The following HSD17B14 variants were observed in gnomAD, a reference collection of about 807,000 sequenced individuals.
HSD17B14 encodes the protein L-fucose dehydrogenase.
HSD17B14 carries 32 observed loss-of-function variants against 32.2 expected under a neutral mutation model. That is an observed-to-expected ratio of 0.99 (90% CI 0.75 to 1.33). The LOEUF (loss-of-function observed/expected upper bound fraction) is 1.33, where lower values mean the gene tolerates loss of function less well. Among genes scored for constraint, HSD17B14 ranks in the 40% most tolerant of loss-of-function variants. The pLI, the probability that HSD17B14 is intolerant of heterozygous loss-of-function variation, is 0.00. For missense variants in HSD17B14, 370 were observed against 366.5 expected (o/e 1.01, Z -0.08); for synonymous variants, 140 against 155.4 (o/e 0.90, Z 0.74).
At chr19:48,830,818 T>C (rs946644272) in intron 5 of HSD17B14, among the ~76,000 whole-genome samples, 10 of 138,488 alleles carry the variant, frequency 7.2e-5, no homozygotes, top group Non-Finnish European at 6.1e-5. Flanking sequence ...CTACTGGACC[T>C]GGCCTATTTA....
At chr19:48,829,308 C>G (rs1027277299) in intron 5 of HSD17B14, among the ~76,000 whole-genome samples, 1 of 151,726 alleles carries the variant, frequency 6.6e-6, no homozygotes, top group African/African-American at 2.4e-5. Flanking sequence ...CTCACCTCAG[C>G]CTCCCGTGTA....
intron 2 of HSD17B14, 63 bp from the exon 3 acceptor site, chr19:48,834,421 T>C (rs547495933): frequency 0.037 from 35,646 of 966,446 alleles, 1,343 homozygotes; most frequent in South Asian, 0.048. Context: ...GGTTGGGGAC[T>C]TGGACTCCTG....
At chr19:48,832,146 G>A (rs1034070513) in intron 4 of HSD17B14, among the ~76,000 whole-genome samples, 7 of 149,028 alleles carry the variant, frequency 4.7e-5, no homozygotes, top group Admixed American at 1.4e-4. Flanking sequence ...TGGGGAGGCC[G>A]AGGTGGGCAG....
At chr19:48,833,119 G>T (rs1427300816) in intron 3 of HSD17B14, among the ~76,000 whole-genome samples, 1 of 151,658 alleles carries the variant, frequency 6.6e-6, no homozygotes, top group African/African-American at 2.4e-5. Flanking sequence ...CCAAATGCAA[G>T]GCAGGAGGGG....
At chr19:48,831,525 C>G (rs2035334921) in intron 5 of HSD17B14, 143 bp downstream of exon 5, 1 of 686,892 alleles carries the variant, frequency 1.5e-6, no homozygotes, top group South Asian at 1.5e-5. Flanking sequence ...TGTCCTCCAG[C>G]CTGGGCGACA....
intron 3 of HSD17B14, among the ~76,000 whole-genome samples, chr19:48,833,110 C>G (rs1255365124): frequency 6.6e-6 from 1 of 151,412 alleles, no homozygotes; most frequent in South Asian, 2.1e-4. Flanking sequence ...ACAGGGCTCC[C>G]AAATGCAAGG....
intron 6 of HSD17B14, 57 bp from the exon 7 acceptor site, chr19:48,813,787 A>G: frequency 6.3e-7 from 1 of 1,592,438 alleles, no homozygotes; most frequent in Non-Finnish European, 8.6e-7. Flanking sequence ...GGTCCCTGCC[A>G]TCCATTGTCT....
intron 5 of HSD17B14, 69 bp downstream of exon 5, chr19:48,831,599 C>CA: frequency 1.9e-6 from 2 of 1,065,036 alleles, no homozygotes; most frequent in Non-Finnish European, 2.9e-6. Flanking sequence ...TGCTCTTAGA[C>CA]AAAATGCATC....
intron 5 of HSD17B14, among the ~76,000 whole-genome samples, chr19:48,822,710 A>G (rs954940485): frequency 6.7e-6 from 1 of 148,428 alleles, no homozygotes; most frequent in African/African-American, 2.5e-5. Context: ...TGATGCTGTC[A>G]TTGATGGTGA....
chr19:48,822,344 GTGA>G (rs555580958), intron 5 of HSD17B14, among the ~76,000 whole-genome samples: 57 of 150,436 alleles, frequency 3.8e-4, no homozygotes, highest in African/African-American at 1.2e-3. Context: ...GATGATGGTG[GTGA>G]TGATGGTGGC....
chr19:48,834,197 A>G, intron 3 of HSD17B14, 79 bp downstream of exon 3: 2 of 1,138,286 alleles, frequency 1.8e-6, no homozygotes, highest in East Asian at 2.4e-5. Flanking sequence ...GTAGAGGGAA[A>G]GGCATATGCA....
At chr19:48,834,188 T>C (rs935442362) in intron 3 of HSD17B14, 88 bp downstream of exon 3, 5 of 1,064,196 alleles carry the variant, frequency 4.7e-6, no homozygotes, top group African/African-American at 3.3e-5. Context: ...GAAGGAAAAG[T>C]AGAGGGAAAG....
At chr19:48,836,183 C>T in intron 1 of HSD17B14, 141 bp downstream of exon 1, 1 of 868,156 alleles carries the variant, frequency 1.2e-6, no homozygotes, top group Admixed American at 2.6e-5. Flanking sequence ...GCGCCACACG[C>T]TTACTTTAGC....
intron 6 of HSD17B14, 107 bp from the exon 7 acceptor site, chr19:48,813,837 C>T: frequency 7.9e-7 from 1 of 1,262,710 alleles, no homozygotes; most frequent in Non-Finnish European, 1.1e-6. Flanking sequence ...GAAGTCATGC[C>T]CTCCTTGAAG....
intron 5 of HSD17B14, among the ~76,000 whole-genome samples, chr19:48,817,321 G>A (rs1049340987): frequency 6.6e-6 from 1 of 151,458 alleles, no homozygotes; most frequent in Non-Finnish European, 1.5e-5. Flanking sequence ...GGGACTACAG[G>A]CATGTGTCAC....
At chr19:48,830,405 A>G (rs1480316965) in intron 5 of HSD17B14, among the ~76,000 whole-genome samples, 1 of 152,052 alleles carries the variant, frequency 6.6e-6, no homozygotes, top group Non-Finnish European at 1.5e-5. Flanking sequence ...GCTTTCCTGT[A>G]ACCATTTATC....
chr19:48,819,140 C>A (rs1163429293), intron 5 of HSD17B14, among the ~76,000 whole-genome samples: 1 of 152,152 alleles, frequency 6.6e-6, no homozygotes, highest in Non-Finnish European at 1.5e-5. Flanking sequence ...GGGCGCCTAC[C>A]ACCACGCCTG....
At chr19:48,828,479 A>G (rs954662017) in intron 5 of HSD17B14, among the ~76,000 whole-genome samples, 1 of 152,008 alleles carries the variant, frequency 6.6e-6, no homozygotes, top group Non-Finnish European at 1.5e-5. Flanking sequence ...TTAGTCAGTC[A>G]TAGTGGTGCA....
chr19:48,815,121 C>T lies in HSD17B14; in HGVS notation c.390G>A (p.Arg130=). 2 of 1,613,936 alleles carry T rather than the reference C, an allele frequency of 1.2e-6. No homozygotes were observed. The highest frequency in any genetic ancestry group is 1.7e-6 in the Non-Finnish European group (2 of 1,179,928). ...TLTKLALPYL[R]KSQGNVINIS... is the part of the protein sequence containing the mutation. ...TGTTGATGACATTCCCTTGACTCTTCCGCAGGTAGGGGAGGGCGAGCTAGG... is the reference window on the plus strand; with the variant it reads ...TGTTGATGACATTCCCTTGACTCTTTCGCAGGTAGGGGAGGGCGAGCTAGG... The change falls in exon 6 of 9, where the codon CGG becomes CGA. Residue 130 remains arginine (R), a synonymous_variant. Transcript: ENST00000263278.
Sources: gnomAD v4.1 joint callset for allele counts (sites outside exome capture counted in the v4.1 genomes callset) on GRCh38, gnomAD v4.1.1 for gene constraint, MANE v1.5 for transcripts, NCBI Gene and HGNC (gene_info 2026-07-23, HGNC 2026-07-21) for gene names.